The following AFF2 variants were observed in gnomAD, a reference collection of about 807,000 sequenced individuals.
AFF2 encodes AF4/FMR2 family member 2.
In AFF2, 14 loss-of-function variants were observed where a neutral mutation model predicts 76.9. The observed-to-expected ratio is 0.18, with a 90% confidence interval of 0.12 to 0.28. AFF2 has a LOEUF of 0.28. Among genes scored for constraint, AFF2 ranks in the 10% least tolerant of loss-of-function variants. The probability of loss-of-function intolerance (pLI) is 1.00; values close to 1 mark genes in which losing one functional copy is unlikely to be tolerated. For missense variants in AFF2, 868 were observed against 1,001.1 expected, an observed-to-expected ratio of 0.87 and a Z score of 1.79; for synonymous variants, 398 against 366.7, an observed-to-expected ratio of 1.09 and a Z score of -0.98.
At chrX:148,822,987 G>A (rs1446565790) in intron 4 of AFF2, among the ~76,000 whole-genome samples, 2 of 111,205 alleles carry the variant, frequency 1.8e-5, no homozygotes, top group Non-Finnish European at 3.8e-5. Flanking sequence ...AGGACCTGTT[G>A]CGTTCAGAGG....
chrX:148,585,492 T>G (rs1188213420), intron 1 of AFF2, among the ~76,000 whole-genome samples: 1 of 111,696 alleles, frequency 9.0e-6, no homozygotes, highest in Non-Finnish European at 1.9e-5. Flanking sequence ...CAATACACAT[T>G]TGCTATTTAT....
chrX:148,988,502 CTGTCTCTATAATGGACGTAATGG>C (rs1319839898), intron 20 of AFF2, among the ~76,000 whole-genome samples: 1 of 111,904 alleles, frequency 8.9e-6, no homozygotes, highest in African/African-American at 3.2e-5. Flanking sequence ...TTCCTAGCTT[CTGTCTCTATAATGGACGTAATGG>C]TGATGATGAT....
At chrX:148,683,271 G>A (rs2054568343) in intron 3 of AFF2, among the ~76,000 whole-genome samples, 5 of 112,058 alleles carry the variant, frequency 4.5e-5, no homozygotes, top group East Asian at 2.8e-4. Flanking sequence ...GAAGTGTTTC[G>A]TGCTTGCAAG....
At chrX:148,857,423 G>A (rs1163492668) in intron 7 of AFF2, among the ~76,000 whole-genome samples, 5 of 111,930 alleles carry the variant, frequency 4.5e-5, no homozygotes, top group African/African-American at 1.6e-4. Context: ...GTCTAAAATA[G>A]TTGTAGAAGA....
At chrX:148,567,695 A>G (rs1181095214) in intron 1 of AFF2, among the ~76,000 whole-genome samples, 1 of 111,716 alleles carries the variant, frequency 9.0e-6, no homozygotes, top group African/African-American at 3.3e-5. Context: ...TGCCTCCTGT[A>G]CATAGGATTT....
In AFF2 at chrX:148,500,631, AGCCGCTGCCGCC is replaced by A. The variant is rs1185910131; in HGVS notation, c.-461_-450del. 12 of 62,504 alleles carry A rather than the reference AGCCGCTGCCGCC, an allele frequency of 1.9e-4. No homozygotes were observed. The highest frequency in any genetic ancestry group is 7.2e-4 in the East Asian group (1 of 1,380). The allele number at this position is 62,504 out of a possible 1,213,427, so 5.2% of individuals were successfully genotyped here. A position where few individuals can be genotyped will look rare whatever the true frequency, so the allele number is the denominator to read the frequency against. On this transcript the variant is annotated 5_prime_UTR_variant, in exon 1 of 21. Transcript: ENST00000370460. Reference sequence around the variant, plus strand: ...CCGCGGCCGCCGCCGCCGCCTGTGCAGCCGCTGCCGCCGCCGCCGCCGCCGCCGCCGCCGCCG... The same window carrying A: ...CCGCGGCCGCCGCCGCCGCCTGTGCAGCCGCCGCCGCCGCCGCCGCCGCCG...
intron 1 of AFF2, among the ~76,000 whole-genome samples, chrX:148,521,374 G>GCACACACACACACACACA (rs781978355): frequency 2.2e-4 from 20 of 90,914 alleles, no homozygotes; most frequent in African/African-American, 8.1e-4. Flanking sequence ...GCACGTGCAT[G>GCACACACACACACACACA]CACACACACA....
At chrX:148,628,496 G>A (rs1240530986) in intron 1 of AFF2, among the ~76,000 whole-genome samples, 3 of 107,397 alleles carry the variant, frequency 2.8e-5, no homozygotes, top group African/African-American at 6.8e-5. Context: ...TGAAAAACAT[G>A]TTAGCATATT....
At chrX:148,976,258 A>C (rs1485842932) in intron 16 of AFF2, among the ~76,000 whole-genome samples, 1 of 111,699 alleles carries the variant, frequency 9.0e-6, no homozygotes, top group African/African-American at 3.2e-5. Context: ...TTCTTCACCC[A>C]GTCTCCCCCA....
At chrX:148,909,195 A>G (rs1330895745) in intron 9 of AFF2, among the ~76,000 whole-genome samples, 1 of 112,047 alleles carries the variant, frequency 8.9e-6, no homozygotes, top group African/African-American at 3.2e-5. Flanking sequence ...TTCACTCACT[A>G]CCTTTGAAAA....
At chrX:148,584,619 G>T (rs1343418106) in intron 1 of AFF2, among the ~76,000 whole-genome samples, 2 of 103,340 alleles carry the variant, frequency 1.9e-5, no homozygotes, top group Admixed American at 2.2e-4. Flanking sequence ...GCAGTGGCCC[G>T]ATCTCAGCTC....
At chrX:148,937,945 C>G (rs1557285193) in intron 9 of AFF2, among the ~76,000 whole-genome samples, 1 of 112,351 alleles carries the variant, frequency 8.9e-6, no homozygotes, top group African/African-American at 3.2e-5. Context: ...CAGCCAACCG[C>G]TGGTAACTAA....
chrX:148,666,585 AAAATAAAT>A (rs57375084), intron 3 of AFF2, among the ~76,000 whole-genome samples: 1,634 of 100,951 alleles, frequency 0.016, 25 homozygotes, highest in Middle Eastern at 0.055. Flanking sequence ...CTCTGTCTCA[AAAATAAAT>A]AAATAAATAA....
At chrX:148,971,747 C>CTTTTTTTTTTTTTTTTTTAATTT (rs2072257160) in intron 15 of AFF2, among the ~76,000 whole-genome samples, 1 of 44,731 alleles carries the variant, frequency 2.2e-5, no homozygotes, top group African/African-American at 9.5e-5. Flanking sequence ...TTTTCTATTT[C>CTTTTTTTTTTTTTTTTTTAATTT]TTTTTTTTTT....
intron 3 of AFF2, among the ~76,000 whole-genome samples, chrX:148,796,687 G>T (rs1180011416): frequency 5.3e-5 from 6 of 112,272 alleles, no homozygotes; most frequent in Non-Finnish European, 1.1e-4. Context: ...TGAAAAGGTC[G>T]CAAGAACGCT....
chrX:148,693,358 G>A (rs1415265251), intron 3 of AFF2, among the ~76,000 whole-genome samples: 1 of 111,698 alleles, frequency 9.0e-6, no homozygotes, highest in Non-Finnish European at 1.9e-5. Flanking sequence ...GCAGCCAGCA[G>A]CCCGCTCTCC....
At chrX:148,704,326 TTA>T (rs1331687587) in intron 3 of AFF2, among the ~76,000 whole-genome samples, 1 of 19,019 alleles carries the variant, frequency 5.3e-5, no homozygotes, top group Non-Finnish European at 1.0e-4. Context: ...ATATATATAT[TTA>T]TATATATGTG....
intron 1 of AFF2, among the ~76,000 whole-genome samples, chrX:148,637,627 T>C (rs1557254036): frequency 8.9e-6 from 1 of 112,596 alleles, no homozygotes; most frequent in Non-Finnish European, 1.9e-5. Context: ...ATGAAATTAA[T>C]ACATTTTATT....
chrX:148,935,256 A>T (rs1459904585), intron 9 of AFF2, among the ~76,000 whole-genome samples: 1 of 110,728 alleles, frequency 9.0e-6, no homozygotes, highest in African/African-American at 3.3e-5. Flanking sequence ...TAACTTTGTT[A>T]GGTCTTACAC....
Sources: gnomAD v4.1 joint callset for allele counts (sites outside exome capture counted in the v4.1 genomes callset) on GRCh38, gnomAD v4.1.1 for gene constraint, MANE v1.5 for transcripts, NCBI Gene and HGNC (gene_info 2026-07-23, HGNC 2026-07-21) for gene names.